CATSPERT: variants seen among roughly 807,000 people sequenced by gnomAD.
The protein encoded by CATSPERT is cation channel sperm-associated targeting subunit tau.
the CATSPERT span, among the ~76,000 whole-genome samples, chr2:201,585,328 AC>A: frequency 6.6e-5 from 10 of 151,520 alleles, no homozygotes; most frequent in Admixed American, 6.6e-4. Flanking sequence ...GCACGTGTAT[AC>A]CTATGTAACA....
At chr2:201,491,041 A>T in the CATSPERT span, 1 of 807,024 alleles carries the variant, frequency 1.2e-6, no homozygotes, top group Non-Finnish European at 1.8e-6. Flanking sequence ...GAATTTTTAA[A>T]TTGGAGGTCT....
At chr2:201,535,694 T>A in the CATSPERT span, 1 of 1,244,814 alleles carries the variant, frequency 8.0e-7, no homozygotes, top group Non-Finnish European at 1.0e-6. Flanking sequence ...TTGATATAAG[T>A]AAAGCAGGAA....
the CATSPERT span, among the ~76,000 whole-genome samples, chr2:201,539,275 T>G: frequency 7.2e-5 from 11 of 152,292 alleles, no homozygotes; most frequent in Non-Finnish European, 1.5e-4. Flanking sequence ...TAATTTACAC[T>G]CCCACCAACA....
At chr2:201,567,111 T>C in the CATSPERT span, among the ~76,000 whole-genome samples, 1 of 152,184 alleles carries the variant, frequency 6.6e-6, no homozygotes, top group Admixed American at 6.5e-5. Context: ...ACTCAACATG[T>C]CCAAAATAGA....
At chr2:201,531,513 G>A in the CATSPERT span, among the ~76,000 whole-genome samples, 7 of 152,232 alleles carry the variant, frequency 4.6e-5, no homozygotes, top group Non-Finnish European at 1.0e-4. Context: ...TATGATACCA[G>A]GAAATGATAT....
the CATSPERT span, among the ~76,000 whole-genome samples, chr2:201,614,290 T>C: frequency 2.6e-5 from 4 of 152,022 alleles, no homozygotes; most frequent in Admixed American, 2.0e-4. Context: ...TAGGAAAAAA[T>C]GTTAAGGACA....
At chr2:201,500,162 T>C in the CATSPERT span, among the ~76,000 whole-genome samples, 1 of 152,072 alleles carries the variant, frequency 6.6e-6, no homozygotes, top group Non-Finnish European at 1.5e-5. Context: ...TTTGGCCAAC[T>C]AGACATAATT....
chr2:201,512,365 T>C, the CATSPERT span, among the ~76,000 whole-genome samples: 3 of 152,190 alleles, frequency 2.0e-5, no homozygotes, highest in East Asian at 1.9e-4. Context: ...AACCAGGATA[T>C]TGACATTATA....
the CATSPERT span, among the ~76,000 whole-genome samples, chr2:201,586,117 C>G: frequency 6.6e-6 from 1 of 152,090 alleles, no homozygotes. Context: ...ATTTTTTTAA[C>G]GTTTTCTTTT....
At chr2:201,601,374 A>T in the CATSPERT span, among the ~76,000 whole-genome samples, 1 of 151,308 alleles carries the variant, frequency 6.6e-6, no homozygotes, top group Non-Finnish European at 1.5e-5. Context: ...GACAAAGGGG[A>T]ATACAGGATA....
At chr2:201,536,342 C>A in the CATSPERT span, 1 of 1,562,702 alleles carries the variant, frequency 6.4e-7, no homozygotes, top group Non-Finnish European at 8.7e-7. Context: ...AGCAATAAAA[C>A]AAACTACCAG....
At chr2:201,540,789 T>A in the CATSPERT span, among the ~76,000 whole-genome samples, 1 of 152,244 alleles carries the variant, frequency 6.6e-6, no homozygotes, top group African/African-American at 2.4e-5. Context: ...TTTCAAGTCC[T>A]CTCATTTCAG....
chr2:201,582,245 A>T, the CATSPERT span: 1 of 1,569,180 alleles, frequency 6.4e-7, no homozygotes, highest in Non-Finnish European at 8.6e-7. Flanking sequence ...TAAGAAAAGA[A>T]GCATTAAATT....
chr2:201,577,139 A>G, the CATSPERT span, among the ~76,000 whole-genome samples: 1 of 152,216 alleles, frequency 6.6e-6, no homozygotes, highest in Non-Finnish European at 1.5e-5. Context: ...GTATAAAATT[A>G]CCACCAGCCT....
At chr2:201,558,798 C>A in the CATSPERT span, among the ~76,000 whole-genome samples, 5 of 152,146 alleles carry the variant, frequency 3.3e-5, no homozygotes, top group Non-Finnish European at 7.4e-5. Context: ...GCACCCTCCT[C>A]TGGGGGACAG....
chr2:201,522,595 G>T, the CATSPERT span, among the ~76,000 whole-genome samples: 12,507 of 152,152 alleles, frequency 0.082, 705 homozygotes, highest in African/African-American at 0.15. Flanking sequence ...GTATAGAGTG[G>T]CCCACTCTCA....
At chr2:201,492,802 T>A in the CATSPERT span, 1 of 1,536,598 alleles carries the variant, frequency 6.5e-7, no homozygotes, top group East Asian at 2.4e-5. Context: ...ATACAGATTT[T>A]GATAGATTTT....
chr2:201,574,823 A>G, the CATSPERT span, among the ~76,000 whole-genome samples: 1 of 152,170 alleles, frequency 6.6e-6, no homozygotes, highest in Non-Finnish European at 1.5e-5. Context: ...CTCTGAATAG[A>G]AAGATCAATT....
chr2:201,570,255 AC>A, the CATSPERT span, among the ~76,000 whole-genome samples: 4 of 152,074 alleles, frequency 2.6e-5, no homozygotes, highest in Non-Finnish European at 5.9e-5. Context: ...TGTTCCTTCC[AC>A]CATCATCCCC....
Sources: gnomAD v4.1 joint callset for allele counts (sites outside exome capture counted in the v4.1 genomes callset) on GRCh38, gnomAD v4.1.1 for gene constraint, MANE v1.5 for transcripts, NCBI Gene and HGNC (gene_info 2026-07-23, HGNC 2026-07-21) for gene names.